The following TASP1 variants were observed in gnomAD, a reference collection of about 807,000 sequenced individuals.
TASP1 encodes threonine aspartase 1.
TASP1 carries 16 observed loss-of-function variants against 56.6 expected under a neutral mutation model. The observed-to-expected ratio is 0.28, with a 90% confidence interval of 0.19 to 0.43. The LOEUF (loss-of-function observed/expected upper bound fraction) is 0.43. TASP1 is among the 20% of genes least tolerant of loss of function. The pLI is 1.00. For synonymous variants in TASP1, 179 were observed against 184.2 expected, an observed-to-expected ratio of 0.97 and a Z score of 0.23; for missense variants, 393 against 511.6, an observed-to-expected ratio of 0.77 and a Z score of 2.24.
At chr20:13,163,435 C>A in the TASP1 span, among the ~76,000 whole-genome samples, 2 of 150,806 alleles carry the variant, frequency 1.3e-5, no homozygotes, top group African/African-American at 4.9e-5. Flanking sequence ...TAAATTATCT[C>A]ACAGATGCCC....
chr20:13,110,272 A>G, the TASP1 span: 2 of 1,450,070 alleles, frequency 1.4e-6, no homozygotes, highest in Non-Finnish European at 1.9e-6. Flanking sequence ...CAAGCTGACC[A>G]GTGCGGAAAG....
chr20:13,285,894 C>G, the TASP1 span, among the ~76,000 whole-genome samples: 2 of 152,178 alleles, frequency 1.3e-5, no homozygotes, highest in Non-Finnish European at 2.9e-5. Flanking sequence ...CAAATTTGCT[C>G]TCTACATTGC....
the TASP1 span, among the ~76,000 whole-genome samples, chr20:13,337,317 G>A: frequency 2.0e-5 from 3 of 152,204 alleles, no homozygotes; most frequent in Non-Finnish European, 2.9e-5. Context: ...TTTTTTAGAC[G>A]CCGAGGTCAT....
chr20:13,208,032 T>G, the TASP1 span, among the ~76,000 whole-genome samples: 1 of 152,344 alleles, frequency 6.6e-6, no homozygotes, highest in Non-Finnish European at 1.5e-5. Flanking sequence ...TTATATAGTT[T>G]TATTCATTAC....
chr20:13,381,241 C>T, the TASP1 span, among the ~76,000 whole-genome samples: 6 of 152,188 alleles, frequency 3.9e-5, no homozygotes, highest in Admixed American at 1.3e-4. Flanking sequence ...CTGTGGGTTG[C>T]GAAGACTGTG....
chr20:13,472,868 C>T (rs531240656), intron 11 of TASP1, among the ~76,000 whole-genome samples: 53 of 151,600 alleles, frequency 3.5e-4, no homozygotes, highest in African/African-American at 1.1e-3. Flanking sequence ...GAAATAGGAA[C>T]GCTTTTACAC....
chr20:13,365,710 G>A, the TASP1 span, among the ~76,000 whole-genome samples: 1 of 152,216 alleles, frequency 6.6e-6, no homozygotes, highest in Non-Finnish European at 1.5e-5. Flanking sequence ...AGGGCCCCGG[G>A]CCATGGAAGA....
chr20:13,467,339 T>C (rs1164633103), intron 11 of TASP1, among the ~76,000 whole-genome samples: 1 of 151,786 alleles, frequency 6.6e-6, no homozygotes, highest in Non-Finnish European at 1.5e-5. Context: ...ACTATAATAT[T>C]ATCATGCCTA....
At chr20:13,385,960 T>G (rs2041160293), downstream of TASP1, among the ~76,000 whole-genome samples, 1 of 152,188 alleles carries the variant, frequency 6.6e-6, no homozygotes, top group Admixed American at 6.5e-5. Flanking sequence ...GTGTGGGGGA[T>G]ACTAAAACAG....
the TASP1 span, among the ~76,000 whole-genome samples, chr20:13,338,006 G>A: frequency 6.6e-6 from 1 of 152,306 alleles, no homozygotes; most frequent in South Asian, 2.1e-4. Flanking sequence ...CTTGGATCTT[G>A]TGCAAAGAAG....
chr20:13,544,275 C>A (rs1327587144), intron 8 of TASP1, among the ~76,000 whole-genome samples: 1 of 152,158 alleles, frequency 6.6e-6, no homozygotes, highest in Non-Finnish European at 1.5e-5. Flanking sequence ...GGTACTGGAT[C>A]ACACTTTTCT....
intron 4 of TASP1, among the ~76,000 whole-genome samples, chr20:13,598,230 T>C (rs2047819154): frequency 6.6e-6 from 1 of 152,064 alleles, no homozygotes; most frequent in Admixed American, 6.6e-5. Context: ...GCCAAGACAA[T>C]CCTAAGCAAA....
downstream of TASP1, among the ~76,000 whole-genome samples, chr20:13,386,926 A>T (rs2041166830): frequency 6.6e-6 from 1 of 152,146 alleles, no homozygotes; most frequent in Non-Finnish European, 1.5e-5. Context: ...ACATGGGTAG[A>T]ATGTTGTGGG....
chr20:13,178,032 A>G, the TASP1 span, among the ~76,000 whole-genome samples: 1 of 152,174 alleles, frequency 6.6e-6, no homozygotes, highest in African/African-American at 2.4e-5. Flanking sequence ...TCCAGAATAT[A>G]CAAGGAACTC....
At chr20:13,587,844 G>A (rs757630470) in intron 4 of TASP1, among the ~76,000 whole-genome samples, 2 of 152,212 alleles carry the variant, frequency 1.3e-5, no homozygotes, top group Admixed American at 1.3e-4. Context: ...GAAAAGGCCA[G>A]GCCAGGCGCA....
intron 8 of TASP1, among the ~76,000 whole-genome samples, chr20:13,534,612 G>A (rs1235400532): frequency 6.6e-6 from 1 of 152,034 alleles, no homozygotes; most frequent in Non-Finnish European, 1.5e-5. Flanking sequence ...TAAGAAAATG[G>A]CATTTACAAT....
At chr20:13,111,532 G>A in the TASP1 span, among the ~76,000 whole-genome samples, 1 of 152,282 alleles carries the variant, frequency 6.6e-6, no homozygotes, top group East Asian at 1.9e-4. Context: ...GAGAAAACCT[G>A]TTCTGGTATA....
the TASP1 span, among the ~76,000 whole-genome samples, chr20:13,233,449 G>A: frequency 6.6e-6 from 1 of 152,014 alleles, no homozygotes; most frequent in Non-Finnish European, 1.5e-5. Context: ...TACAAAATTA[G>A]CCGGGCGTGG....
chr20:13,448,891 C>CA (rs201432764), intron 11 of TASP1, among the ~76,000 whole-genome samples: 8,894 of 151,458 alleles, frequency 0.059, 363 homozygotes, highest in African/African-American at 0.12. Context: ...AACCAACAAA[C>CA]AAAAAAAACC....
Sources: gnomAD v4.1 joint callset for allele counts (sites outside exome capture counted in the v4.1 genomes callset) on GRCh38, gnomAD v4.1.1 for gene constraint, MANE v1.5 for transcripts, NCBI Gene and HGNC (gene_info 2026-07-23, HGNC 2026-07-21) for gene names.